Variants in ROBO1 observed in about 807,000 individuals in gnomAD.
ROBO1 encodes roundabout homolog 1.
In ROBO1, 149 loss-of-function variants were observed where a neutral mutation model predicts 195.9. The observed-to-expected ratio is 0.76, with a 90% CI of 0.67 to 0.87. The LOEUF is 0.87. Among genes scored for constraint, ROBO1 ranks in the 40% least tolerant of loss-of-function variants. ROBO1 has a pLI of 0.00. For synonymous variants in ROBO1, 816 were observed against 733.2 expected, an observed-to-expected ratio of 1.11 and a Z score of -1.82; for missense variants, 1,933 against 2,068.3, an observed-to-expected ratio of 0.93 and a Z score of 1.27.
Position 79,068,384 on chromosome 3 carries a change from T to A in ROBO1, c.172+57072A>T, listed in dbSNP as rs529876859. On this transcript the variant is annotated intron_variant, in intron 3 of 30. Transcript: ENST00000464233. ...CTAACCATGGGCATGGTTAGGTTAC[T>A]GTTTTTCAAAGTAATTACCTTTGTC... 2.0e-5 allele frequency among the ~76,000 whole-genome samples: 3 copies of A among 152,048 alleles called. No homozygotes were observed. The South Asian group carries it at 6.2e-4, about 32-fold the overall frequency.
intron 4 of ROBO1, among the ~76,000 whole-genome samples, chr3:78,895,694 G>T (rs1166397563): frequency 6.6e-6 from 1 of 152,202 alleles, no homozygotes; most frequent in Non-Finnish European, 1.5e-5. Flanking sequence ...TTGATCAAGT[G>T]AAGTCACTGA....
At chr3:79,209,151 C>T (rs996915330) in intron 2 of ROBO1, among the ~76,000 whole-genome samples, 8 of 152,062 alleles carry the variant, frequency 5.3e-5, no homozygotes, top group Admixed American at 4.6e-4. Flanking sequence ...GTCTTTTATT[C>T]CTCACCCCCA....
rs1205864762 is a variant in ROBO1 at position 79,322,968 on chromosome 3, A to G, written c.89-197429T>C. The stretch of plus-strand genomic sequence containing the variant: ...TGGTAAATGTATAGGGAAAATTTTG[A>G]TTGCTTTGCTTTAGGATATCCTTCA... On this transcript the variant is annotated intron_variant, in intron 2 of 30. Coordinates refer to ENST00000464233, the MANE Select transcript of ROBO1 (RefSeq NM_002941.4). Among the ~76,000 whole-genome samples, 3 of 152,004 alleles carry G rather than the reference A, an allele frequency of 2.0e-5. No homozygotes were observed. In the East Asian group the frequency reaches 5.8e-4, roughly 29 times the overall value.
At chr3:78,773,717 T>A (rs1290589993) in intron 4 of ROBO1, among the ~76,000 whole-genome samples, 1 of 152,210 alleles carries the variant, frequency 6.6e-6, no homozygotes, top group Non-Finnish European at 1.5e-5. Flanking sequence ...CCAAAACTCA[T>A]CCTTTTTCAT....
At chr3:79,327,316 A>G (rs1449694872) in intron 2 of ROBO1, among the ~76,000 whole-genome samples, 1 of 151,952 alleles carries the variant, frequency 6.6e-6, no homozygotes, top group Non-Finnish European at 1.5e-5. Flanking sequence ...ATATAAATGT[A>G]TTTTCAATTG....
intron 1 of ROBO1, among the ~76,000 whole-genome samples, chr3:79,685,144 T>C (rs998260401): frequency 6.6e-6 from 1 of 152,144 alleles, no homozygotes; most frequent in Non-Finnish European, 1.5e-5. Context: ...ATTTTTGAAG[T>C]CTCTACTCAA....
chr3:79,682,405 C>T (rs983955624), intron 1 of ROBO1, among the ~76,000 whole-genome samples: 1 of 151,886 alleles, frequency 6.6e-6, no homozygotes, highest in Non-Finnish European at 1.5e-5. Flanking sequence ...TAATTTTAAC[C>T]TGTCTGGCTA....
chr3:79,708,928 G>T (rs2107211354), intron 1 of ROBO1, among the ~76,000 whole-genome samples: 1 of 152,052 alleles, frequency 6.6e-6, no homozygotes, highest in African/African-American at 2.4e-5. Context: ...AAACTCATGG[G>T]GTTTTTTGTA....
intron 4 of ROBO1, among the ~76,000 whole-genome samples, chr3:78,781,511 G>T (rs536681605): frequency 6.6e-6 from 1 of 152,160 alleles, no homozygotes; most frequent in African/African-American, 2.4e-5. Context: ...CTGTGCTCAG[G>T]GGTTAAAATC....
chr3:78,682,355 A>G (rs1008273716), intron 10 of ROBO1, among the ~76,000 whole-genome samples: 1 of 151,306 alleles, frequency 6.6e-6, no homozygotes, highest in Non-Finnish European at 1.5e-5. Context: ...TGCACCTGAC[A>G]CACTTTGTAC....
chr3:78,719,190 G>T (rs1201865169), intron 5 of ROBO1, among the ~76,000 whole-genome samples: 1 of 151,908 alleles, frequency 6.6e-6, no homozygotes, highest in Non-Finnish European at 1.5e-5. Context: ...TCTCTGCATC[G>T]TTCATCATTC....
chr3:79,142,454 T>C (rs1218341084), intron 2 of ROBO1, among the ~76,000 whole-genome samples: 2 of 152,180 alleles, frequency 1.3e-5, no homozygotes, highest in African/African-American at 4.8e-5. Flanking sequence ...TATTTGAAGA[T>C]ACTGCACCAA....
At chr3:79,664,307 T>C (rs2106851337) in intron 1 of ROBO1, among the ~76,000 whole-genome samples, 1 of 152,178 alleles carries the variant, frequency 6.6e-6, no homozygotes, top group South Asian at 2.1e-4. Context: ...TTTTGTTTTC[T>C]TTTTATTTCG....
chr3:79,594,314 C>G (rs181529365), intron 1 of ROBO1, among the ~76,000 whole-genome samples: 91 of 152,054 alleles, frequency 6.0e-4, no homozygotes, highest in African/African-American at 2.1e-3. Flanking sequence ...AGAAAAAGCA[C>G]AACACCTTTG....
intron 2 of ROBO1, among the ~76,000 whole-genome samples, chr3:79,507,171 A>C (rs1940444075): frequency 6.6e-6 from 1 of 152,200 alleles, no homozygotes; most frequent in African/African-American, 2.4e-5. Context: ...GAGAGTGAGG[A>C]GCATGATGAT....
At chr3:79,569,709 G>GTA (rs1160781080) in intron 2 of ROBO1, among the ~76,000 whole-genome samples, 8 of 150,846 alleles carry the variant, frequency 5.3e-5, no homozygotes, top group South Asian at 2.1e-4. Flanking sequence ...ATGTGTGTGT[G>GTA]TATATATATA....
At chr3:78,658,541 C>CA (rs1707181136) in intron 17 of ROBO1, among the ~76,000 whole-genome samples, 1 of 152,206 alleles carries the variant, frequency 6.6e-6, no homozygotes, top group African/African-American at 2.4e-5. Flanking sequence ...CTCGGCCTCT[C>CA]AAAGTGCTGG....
At chr3:79,244,018 G>C (rs1340431865) in intron 2 of ROBO1, among the ~76,000 whole-genome samples, 2 of 152,116 alleles carry the variant, frequency 1.3e-5, no homozygotes, top group African/African-American at 4.8e-5. Flanking sequence ...TAAGGTGTAA[G>C]GAAGGGATCC....
chr3:79,004,112 A>C (rs2077567923), intron 3 of ROBO1, among the ~76,000 whole-genome samples: 1 of 152,176 alleles, frequency 6.6e-6, no homozygotes, highest in Non-Finnish European at 1.5e-5. Flanking sequence ...TCCAGTACAA[A>C]TATAACTGTT....
Sources: gnomAD v4.1 joint callset for allele counts (sites outside exome capture counted in the v4.1 genomes callset) on GRCh38, gnomAD v4.1.1 for gene constraint, MANE v1.5 for transcripts, NCBI Gene and HGNC (gene_info 2026-07-23, HGNC 2026-07-21) for gene names.